STAU2: variants seen among roughly 807,000 people sequenced by gnomAD.
The protein encoded by STAU2 is staufen double-stranded RNA binding protein 2.
STAU2 carries 20 observed loss-of-function variants against 65.9 expected under a neutral mutation model. The observed-to-expected ratio is 0.30, with a 90% CI of 0.21 to 0.44. The LOEUF (loss-of-function observed/expected upper bound fraction) is 0.44, where lower values mean the gene tolerates loss of function less well. Ranked by LOEUF, STAU2 falls within the 20% of genes least tolerant of loss-of-function variation. The probability of loss-of-function intolerance (pLI) is 1.00; values close to 1 mark genes in which losing one functional copy is unlikely to be tolerated. For synonymous variants in STAU2, 232 were observed against 233.9 expected (o/e 0.99, Z 0.07); for missense variants, 558 against 683.9 (o/e 0.82, Z 2.05).
chr8:73,481,275 C>A (rs960572590), intron 13 of STAU2, among the ~76,000 whole-genome samples: 3 of 151,928 alleles, frequency 2.0e-5, no homozygotes, highest in African/African-American at 7.2e-5. Context: ...GTTTTGGAAC[C>A]CTGCACAGCC....
intron 9 of STAU2, among the ~76,000 whole-genome samples, chr8:73,611,106 A>C (rs1812422382): frequency 6.6e-6 from 1 of 152,222 alleles, no homozygotes; most frequent in East Asian, 1.9e-4. Context: ...TGAGTGTAAC[A>C]AACTATAGAC....
chr8:73,495,662 A>AATATATATATATATATAT (rs3032943), intron 13 of STAU2, among the ~76,000 whole-genome samples: 2,955 of 131,916 alleles, frequency 0.022, 72 homozygotes, highest in East Asian at 0.058. Flanking sequence ...CATAAAGCCA[A>AATATATATATATATATAT]ATATATATAT....
chr8:73,477,018 C>T (rs775739281), intron 13 of STAU2, among the ~76,000 whole-genome samples: 33 of 152,170 alleles, frequency 2.2e-4, no homozygotes, highest in Non-Finnish European at 4.4e-4. Flanking sequence ...GCAACTGGAG[C>T]TCAAATGAGA....
At chr8:73,486,751 C>T (rs1820937247) in intron 13 of STAU2, among the ~76,000 whole-genome samples, 1 of 151,294 alleles carries the variant, frequency 6.6e-6, no homozygotes, top group Non-Finnish European at 1.5e-5. Context: ...CTCCTGGGCT[C>T]AAGTGGTCCT....
intron 13 of STAU2, among the ~76,000 whole-genome samples, chr8:73,457,249 C>G (rs897131681): frequency 1.3e-5 from 2 of 152,090 alleles, no homozygotes; most frequent in Admixed American, 6.5e-5. Context: ...AACCAAAAAC[C>G]ACCTCCCTTC....
intron 13 of STAU2, among the ~76,000 whole-genome samples, chr8:73,522,129 T>C (rs1823076711): frequency 6.6e-6 from 1 of 152,180 alleles, no homozygotes; most frequent in South Asian, 2.1e-4. Context: ...TTTGTGAGAT[T>C]TGGTGATATT....
rs1281363149 is a variant in STAU2, at chr8:73,718,236, A to G, written c.-17-9074T>C. Reference sequence around the variant, plus strand: ...TTACTGATTCATTAACATTGAACTCATGTCCAATAGTACTGTTTAACTCCT... The same window carrying G: ...TTACTGATTCATTAACATTGAACTCGTGTCCAATAGTACTGTTTAACTCCT... On this transcript the variant is annotated intron_variant, in intron 3 of 14. Coordinates refer to ENST00000524300, the MANE Select transcript of STAU2 (RefSeq NM_001164380.2). 3.3e-5 allele frequency among the ~76,000 whole-genome samples: 5 copies of G among 152,318 alleles called. No individual in the cohort carries two copies. The East Asian group carries it at 9.6e-4, about 29-fold the overall frequency.
chr8:73,564,154 G>A (rs1184719671), intron 12 of STAU2, among the ~76,000 whole-genome samples: 2 of 152,232 alleles, frequency 1.3e-5, no homozygotes, highest in Non-Finnish European at 2.9e-5. Flanking sequence ...AACATTTTAC[G>A]TTTTCAGAGG....
intron 12 of STAU2, among the ~76,000 whole-genome samples, chr8:73,570,593 C>T (rs1365482054): frequency 2.6e-5 from 4 of 152,304 alleles, no homozygotes; most frequent in Admixed American, 1.3e-4. Flanking sequence ...TCAGGAAATA[C>T]AGAGAACGCC....
intron 12 of STAU2, among the ~76,000 whole-genome samples, chr8:73,568,847 T>C (rs1191250937): frequency 6.6e-6 from 1 of 152,140 alleles, no homozygotes; most frequent in African/African-American, 2.4e-5. Flanking sequence ...AAGAAATGTT[T>C]TGATTGGAGG....
intron 4 of STAU2, among the ~76,000 whole-genome samples, chr8:73,702,374 G>C (rs1485394198): frequency 6.6e-6 from 1 of 152,072 alleles, no homozygotes; most frequent in African/African-American, 2.4e-5. Context: ...CAGGTACAAA[G>C]AGAGATGATT....
intron 13 of STAU2, among the ~76,000 whole-genome samples, chr8:73,429,761 G>A (rs536672842): frequency 3.3e-5 from 5 of 152,146 alleles, no homozygotes; most frequent in East Asian, 1.9e-4. Flanking sequence ...AGCCGCTCAC[G>A]TTCCAGATAC....
chr8:73,737,671 G>GGACT (rs1806542343), intron 3 of STAU2, among the ~76,000 whole-genome samples: 1 of 151,228 alleles, frequency 6.6e-6, no homozygotes, highest in Admixed American at 6.6e-5. Flanking sequence ...GAAAGTGCTG[G>GGACT]GACTACAGGT....
At chr8:73,433,194 T>C (rs75625923) in intron 13 of STAU2, among the ~76,000 whole-genome samples, 1 of 151,996 alleles carries the variant, frequency 6.6e-6, no homozygotes, top group Non-Finnish European at 1.5e-5. Flanking sequence ...AATTCCTGGG[T>C]TTTGTCATTT....
chr8:73,733,606 A>C (rs1175119584), intron 3 of STAU2, among the ~76,000 whole-genome samples: 1 of 152,238 alleles, frequency 6.6e-6, no homozygotes, highest in Non-Finnish European at 1.5e-5. Context: ...ACTAACTCAG[A>C]AAATTATCAG....
chr8:73,646,104 T>A (rs1383426900), intron 6 of STAU2, among the ~76,000 whole-genome samples: 1 of 152,178 alleles, frequency 6.6e-6, no homozygotes, highest in Non-Finnish European at 1.5e-5. Context: ...AAGAAACATA[T>A]TTTTAATTAC....
At chr8:73,591,628 GGTCAA>G (rs1244281978) in intron 11 of STAU2, among the ~76,000 whole-genome samples, 1 of 151,480 alleles carries the variant, frequency 6.6e-6, no homozygotes, top group Non-Finnish European at 1.5e-5. Context: ...CAATAGAAGT[GGTCAA>G]GTCAACAAAG....
intron 12 of STAU2, among the ~76,000 whole-genome samples, chr8:73,570,326 C>T (rs1563429399): frequency 6.6e-6 from 1 of 152,170 alleles, no homozygotes; most frequent in African/African-American, 2.4e-5. Flanking sequence ...AAGACCAAAT[C>T]TACGTCTGAT....
chr8:73,449,614 G>A (rs1486246623), intron 13 of STAU2, among the ~76,000 whole-genome samples: 1 of 152,194 alleles, frequency 6.6e-6, no homozygotes, highest in Non-Finnish European at 1.5e-5. Context: ...AACCAGGGCA[G>A]CAGCGAGCTC....
Sources: allele counts gnomAD v4.1 joint callset (sites outside exome capture counted in the v4.1 genomes callset), GRCh38; gene constraint gnomAD v4.1.1; transcripts MANE v1.5; gene names NCBI Gene and HGNC (gene_info 2026-07-23, HGNC 2026-07-21).